The following RGS16 variants were observed in gnomAD, a reference collection of about 807,000 sequenced individuals.
RGS16 encodes hRGS-r.
RGS16 carries 12 observed loss-of-function variants against 18.1 expected under a neutral mutation model. The observed-to-expected ratio is 0.66, with a 90% CI of 0.42 to 1.07. RGS16 has a LOEUF of 1.07. Ranked by LOEUF, RGS16 falls within the 50% of genes least tolerant of loss-of-function variation. The pLI is 0.00. For synonymous variants in RGS16, 88 were observed against 102.0 expected (o/e 0.86, Z 0.83); for missense variants, 238 against 249.2 (o/e 0.95, Z 0.30).
intron 3 of RGS16, 102 bp downstream of exon 3, chr1:182,602,318 T>G (rs1661879517): frequency 9.1e-7 from 1 of 1,096,888 alleles, no homozygotes; most frequent in African/African-American, 1.6e-5. Flanking sequence ...TTATTACTAC[T>G]ACTATTATTC....
intron 4 of RGS16, among the ~76,000 whole-genome samples, chr1:182,601,543 C>T (rs1571278618): frequency 6.6e-6 from 1 of 152,218 alleles, no homozygotes; most frequent in Non-Finnish European, 1.5e-5. Context: ...ATGCAGCTGC[C>T]ATGCGTTTAG....
rs1293099669 is a variant in RGS16, at chr1:182,598,763, A to T, written c.*1529T>A. The stretch of plus-strand genomic sequence containing the variant: ...ATATTTAAACAGTGAGGAGTTCCTG[A>T]CAGGCTCCAAGAGGTTCCCAGCACA... On this transcript the variant is annotated 3_prime_UTR_variant, in exon 5 of 5. Transcript: ENST00000367558. 6.6e-6 allele frequency: 1 copy of T among 152,668 alleles called. No homozygotes were observed. Among genetic ancestry groups the T allele is most frequent in the Non-Finnish European group, 1.5e-5 (1 of 68,046 alleles). 9.5% of individuals were successfully genotyped at this position (152,668 alleles called of 1,614,324 possible).
chr1:182,601,563 G>A (rs971527970), intron 4 of RGS16, among the ~76,000 whole-genome samples: 2 of 152,242 alleles, frequency 1.3e-5, no homozygotes, highest in African/African-American at 4.8e-5. Flanking sequence ...GCGGCCAGGA[G>A]AGAAGGTAGA....
intron 2 of RGS16, among the ~76,000 whole-genome samples, chr1:182,603,019 G>A (rs928475434): frequency 2.6e-5 from 4 of 152,162 alleles, no homozygotes; most frequent in African/African-American, 4.8e-5. Context: ...GCCCTCATCC[G>A]TGGATGGACT....
chr1:182,601,574 C>CA (rs1380530876), intron 4 of RGS16, among the ~76,000 whole-genome samples: 22 of 152,256 alleles, frequency 1.4e-4, no homozygotes, highest in African/African-American at 5.3e-4. Context: ...AGAAGGTAGA[C>CA]AAAAAAATCA....
chr1:182,604,043 C>G (rs570326553), intron 1 of RGS16, among the ~76,000 whole-genome samples, 173 bp downstream of exon 1: 1 of 152,346 alleles, frequency 6.6e-6, no homozygotes, highest in East Asian at 1.9e-4. Flanking sequence ...TTCCCTTCCC[C>G]TTGCTTTCTC....
intron 2 of RGS16, among the ~76,000 whole-genome samples, 188 bp downstream of exon 2, chr1:182,603,041 A>G (rs955218632): frequency 8.5e-5 from 13 of 152,168 alleles, no homozygotes; most frequent in African/African-American, 2.7e-4. Context: ...GGAGCCCTGG[A>G]GCCACCTACC....
chr1:182,603,991 T>G (rs1005746041), intron 1 of RGS16, among the ~76,000 whole-genome samples: 4 of 152,048 alleles, frequency 2.6e-5, no homozygotes, highest in Non-Finnish European at 5.9e-5. Flanking sequence ...ACGACTGCAG[T>G]TTGTCAGAGG....
chr1:182,600,857 C>A (rs138829841), intron 4 of RGS16, among the ~76,000 whole-genome samples: 5 of 152,230 alleles, frequency 3.3e-5, no homozygotes, highest in Non-Finnish European at 5.9e-5. Context: ...CCTTACCCCC[C>A]ACCCCTGTGG....
At position 182,600,134 on chromosome 1, in the gene RGS16, C is replaced by G. The variant is rs1661834351; in HGVS notation, c.*158G>C. 1.6e-6 allele frequency: 1 copy of G among 639,372 alleles called. No homozygotes were observed. Among genetic ancestry groups the G allele is most frequent in the African/African-American group, 1.9e-5 (1 of 53,844 alleles). 39.6% of individuals were successfully genotyped at this position (639,372 alleles called of 1,614,324 possible). A position where few individuals can be genotyped will look rare whatever the true frequency, so the allele number is the denominator to read the frequency against. On this transcript the variant is annotated 3_prime_UTR_variant, in exon 5 of 5. Transcript: ENST00000367558. ...GTATCTGAAGGAGAGACTGCTGCTT[C>G]CCAAACAGGCTGCTGGAGCGCATTT...
rs1387593824 is a variant in RGS16 at position 182,604,352 on chromosome 1, T to C, written c.-93A>G. 2.7e-5 allele frequency: 36 copies of C among 1,334,548 alleles called. No homozygotes were observed. The highest frequency in any genetic ancestry group is 3.6e-5 in the Non-Finnish European group (35 of 985,744). 82.7% of individuals were successfully genotyped at this position (1,334,548 alleles called of 1,614,324 possible). A position where few individuals can be genotyped will look rare whatever the true frequency, so the allele number is the denominator to read the frequency against. On this transcript the variant is annotated 5_prime_UTR_variant, in exon 1 of 5. Coordinates refer to ENST00000367558, the MANE Select transcript of RGS16 (RefSeq NM_002928.4). ...CAGGAAGCAAAGGCGCGGTAGCAGG[T>C]GCTAGTCAACTGCGGTTGGGTTTAG...
Position 182,600,030 on chromosome 1 carries a change from G to C in RGS16, c.*262C>G. ...CCATACCACCTTTTTGCCCCACAGA[G>C]AGCCCCACCAACCCTCATCATTAGC... On this transcript the variant is annotated 3_prime_UTR_variant, in exon 5 of 5. Transcript: ENST00000367558. 1.9e-6 allele frequency: 1 copy of C among 519,414 alleles called. No individual in the cohort carries two copies. The highest frequency in any genetic ancestry group is 3.4e-6 in the Non-Finnish European group (1 of 289,998). 32.2% of individuals were successfully genotyped at this position (519,414 alleles called of 1,614,324 possible).
Position 182,600,363 on chromosome 1 carries a change from G to A in RGS16, c.538C>T (p.Leu180=), listed in dbSNP as rs1661841312. ...GAGGCGGCTGAGGCTTGGGCAGCCA[G>A]GTCCCGGTAAGCAGGCGACTTCAGG... is the stretch of plus-strand genomic sequence containing the variant. ...RFLKSPAYRD[L]AAQASAASAT... is the part of the protein sequence containing the mutation. Residue 180 remains leucine, a synonymous_variant, in exon 5 of 5, where the codon CTG becomes TTG. Transcript: ENST00000367558. The A allele has an allele frequency of 6.2e-7, 1 of 1,613,990 alleles. No homozygotes were observed. The highest frequency in any genetic ancestry group is 8.5e-7 in the Non-Finnish European group (1 of 1,179,982).
At chr1:182,601,774 T>C in intron 4 of RGS16, 192 bp downstream of exon 4, 1 of 652,392 alleles carries the variant, frequency 1.5e-6, no homozygotes, top group Non-Finnish European at 2.6e-6. Flanking sequence ...TCATGAGTCT[T>C]AGGGTTAAGC....
At chr1:182,600,587 G>A in intron 4 of RGS16, 74 bp from the exon 5 acceptor site, 1 of 1,232,344 alleles carries the variant, frequency 8.1e-7, no homozygotes, top group South Asian at 1.2e-5. Context: ...CCAACGGCAG[G>A]CTGGGCATTG....
In RGS16 at chr1:182,602,417, C is replaced by T. The variant is rs1202239659; in HGVS notation, c.220+3G>A. The T allele has an allele frequency of 1.9e-6, 3 of 1,613,486 alleles. No homozygotes were observed. The highest frequency in any genetic ancestry group is 2.5e-6 in the Non-Finnish European group (3 of 1,179,598). The stretch of plus-strand genomic sequence containing the variant: ...GAGACAGACACAAAAGGCTCCTACT[C>T]ACTTTTACTGCTCAGCAGCAGGTCG... On this transcript the variant is annotated splice_donor_region_variant and intron_variant, in intron 3 of 4. Transcript: ENST00000367558.
In RGS16 at chr1:182,600,206, A is replaced by G; in HGVS notation, c.*86T>C. ...TTGTCCTCTTGCACTTGCTTTGCAG[A>G]ACCTGCCTCCCACACAGGGGCAGCC... is the stretch of plus-strand genomic sequence containing the variant. On this transcript the variant is annotated 3_prime_UTR_variant, in exon 5 of 5. Coordinates refer to ENST00000367558, the MANE Select transcript of RGS16 (RefSeq NM_002928.4). 2 of 924,854 alleles carry G rather than the reference A, an allele frequency of 2.2e-6. No individual in the cohort carries two copies. The highest frequency in any genetic ancestry group is 3.4e-6 in the Non-Finnish European group (2 of 596,466). 57.3% of individuals were successfully genotyped at this position (924,854 alleles called of 1,614,324 possible).
chr1:182,600,089 T>G lies in RGS16; in HGVS notation c.*203A>C. ...ACAGGTCCTGGAAGTGGGCGGCTCC[T>G]CTCCAGCATGAGTCCCACAGTATCT... On this transcript the variant is annotated 3_prime_UTR_variant, in exon 5 of 5. Transcript: ENST00000367558. 1.7e-6 allele frequency: 1 copy of G among 588,246 alleles called. No homozygotes were observed. Among genetic ancestry groups the G allele is most frequent in the Non-Finnish European group, 3.0e-6 (1 of 334,624 alleles). The allele number at this position is 588,246 out of a possible 1,614,324, so 36.4% of individuals were successfully genotyped here.
At position 182,600,117 on chromosome 1, in the gene RGS16, A is replaced by G; in HGVS notation, c.*175T>C. The G allele has an allele frequency of 1.6e-6, 1 of 611,762 alleles. No homozygotes were observed. The highest frequency in any genetic ancestry group is 2.8e-5 in the East Asian group (1 of 36,014). 37.9% of individuals were successfully genotyped at this position (611,762 alleles called of 1,614,324 possible). ...CCAGCATGAGTCCCACAGTATCTGAAGGAGAGACTGCTGCTTCCCAAACAG... is the reference window on the plus strand; with the variant it reads ...CCAGCATGAGTCCCACAGTATCTGAGGGAGAGACTGCTGCTTCCCAAACAG... On this transcript the variant is annotated 3_prime_UTR_variant, in exon 5 of 5. Coordinates refer to ENST00000367558, the MANE Select transcript of RGS16 (RefSeq NM_002928.4).
Sources: gnomAD v4.1 joint callset for allele counts (sites outside exome capture counted in the v4.1 genomes callset) on GRCh38, gnomAD v4.1.1 for gene constraint, MANE v1.5 for transcripts, NCBI Gene and HGNC (gene_info 2026-07-23, HGNC 2026-07-21) for gene names.